The following IL3RA variants were observed in gnomAD, a reference collection of about 807,000 sequenced individuals.
IL3RA encodes the protein interleukin-3 receptor subunit alpha.
Under a neutral mutation model 52.3 loss-of-function variants are expected in IL3RA, and 73 were observed. The ratio of observed to expected loss-of-function variants is 1.40; its 90% CI spans 1.16 to 1.70. The LOEUF is 1.70. Ranked by LOEUF, IL3RA falls within the 40% of genes most tolerant of loss-of-function variation. IL3RA has a pLI of 0.00. For missense variants in IL3RA, 664 were observed against 504.4 expected (o/e 1.32, Z -3.03); for synonymous variants, 260 against 194.0 (o/e 1.34, Z -2.83).
rs2088974377 is a variant in IL3RA, at chrX:1,378,720, G to C, written c.936G>C (p.Leu312=). ...GGCGGACGTCGCTGCTGATCGCGCTGGGGACGCTGCTGGCCCTGGTCTGTG... is the reference window on the plus strand; with the variant it reads ...GGCGGACGTCGCTGCTGATCGCGCTCGGGACGCTGCTGGCCCTGGTCTGTG... ...RAWRTSLLIA[L]GTLLALVCVF... Residue 312 remains leucine (L), a synonymous_variant, in exon 10 of 12, where the codon CTG becomes CTC. Transcript: ENST00000331035. The C allele has an allele frequency of 2.5e-6, 4 of 1,612,494 alleles. No homozygotes were observed. Among genetic ancestry groups the C allele is most frequent in the Non-Finnish European group, 3.4e-6 (4 of 1,179,854 alleles).
intron 4 of IL3RA, among the ~76,000 whole-genome samples, chrX:1,348,885 T>TTCTTTTC (rs1556619317): frequency 7.1e-6 from 1 of 140,866 alleles, no homozygotes; most frequent in African/African-American, 2.6e-5. Flanking sequence ...TTCCCTTTCG[T>TTCTTTTC]TTTCTTTTCC....
At chrX:1,351,421 T>C (rs755413366) in intron 4 of IL3RA, among the ~76,000 whole-genome samples, 10 of 151,938 alleles carry the variant, frequency 6.6e-5, no homozygotes, top group African/African-American at 2.4e-4. Flanking sequence ...CTCTGCCTCC[T>C]GGGTTCAAGA....
intron 1 of IL3RA, among the ~76,000 whole-genome samples, chrX:1,337,895 G>T (rs6647015): frequency 9.6e-4 from 136 of 141,482 alleles, no homozygotes; most frequent in East Asian, 2.1e-3. Context: ...GATGAATGGA[G>T]AAATATAATG....
chrX:1,338,547 T>C (rs1227390538), intron 1 of IL3RA, among the ~76,000 whole-genome samples: 4 of 152,248 alleles, frequency 2.6e-5, no homozygotes, highest in African/African-American at 9.6e-5. Flanking sequence ...TACACAGCCA[T>C]GAAAAGGAAC....
rs17883648 is a variant in IL3RA, at chrX:1,359,202, C to T, written c.759+315C>T. ...TATGGCTGGCCAGGTGCTGTCCAAA[C>T]GAGGTCCACCCATTTGCCCCAGATT... On this transcript the variant is annotated intron_variant, in intron 8 of 11. Transcript: ENST00000331035. 7.9e-3 allele frequency among the ~76,000 whole-genome samples: 1,197 copies of T among 151,992 alleles called. 19 individuals are homozygous for T. Among genetic ancestry groups the T allele is most frequent in the African/African-American group, 0.028 (1,150 of 41,436 alleles).
At chrX:1,359,765 C>G (rs1176854586) in intron 8 of IL3RA, among the ~76,000 whole-genome samples, 1 of 121,622 alleles carries the variant, frequency 8.2e-6, no homozygotes, top group African/African-American at 3.2e-5. Context: ...TCTGTCTCTC[C>G]CTCTCTCATT....
rs1192051477 is a variant in IL3RA at position 1,352,236 on chromosome X, G to C, written c.431+4G>C. The C allele has an allele frequency of 1.9e-6, 3 of 1,613,498 alleles. No homozygotes were observed. Among genetic ancestry groups the C allele is most frequent in the Non-Finnish European group, 1.7e-6 (2 of 1,179,724 alleles). On this transcript the variant is annotated splice_donor_region_variant and intron_variant, in intron 5 of 11. Transcript: ENST00000331035. Reference sequence around the variant, plus strand: ...ACCTGTACTTGAACGTTGCCAAGTAGGTGTGCCCGTGGGCAGAGGCCGGGC... The same window carrying C: ...ACCTGTACTTGAACGTTGCCAAGTACGTGTGCCCGTGGGCAGAGGCCGGGC...
chrX:1,359,808 T>TTCTC (rs373695054), intron 8 of IL3RA, among the ~76,000 whole-genome samples: 23 of 130,624 alleles, frequency 1.8e-4, no homozygotes, highest in African/African-American at 5.2e-4. Flanking sequence ...CTCCCTCTCT[T>TTCTC]TCTCTCTCTC....
intron 9 of IL3RA, among the ~76,000 whole-genome samples, chrX:1,367,602 G>A (rs1179667781): frequency 1.1e-5 from 1 of 95,020 alleles, no homozygotes; most frequent in Non-Finnish European, 2.0e-5. Flanking sequence ...CCGGGTGCGC[G>A]GGGTGAGCGG....
At position 1,358,595 on chromosome X, in the gene IL3RA, G is replaced by A. The variant is rs748939205; in HGVS notation, c.733-266G>A. Reference sequence around the variant, plus strand: ...AATCACTTGAATCCGGGAGGCGGAGGTTGCAGTGAGCCGAGATCACGCCAC... The same window carrying A: ...AATCACTTGAATCCGGGAGGCGGAGATTGCAGTGAGCCGAGATCACGCCAC... On this transcript the variant is annotated intron_variant, in intron 7 of 11. Coordinates refer to ENST00000331035, the MANE Select transcript of IL3RA (RefSeq NM_002183.4). Among the ~76,000 whole-genome samples the A allele has an allele frequency of 7.2e-5, 11 of 152,254 alleles. No homozygotes were observed. The South Asian group carries it at 1.2e-3, about 17-fold the overall frequency.
chrX:1,353,515 A>ATCATGAGG (rs1222281573), intron 6 of IL3RA, among the ~76,000 whole-genome samples: 1 of 145,262 alleles, frequency 6.9e-6, no homozygotes, highest in African/African-American at 2.6e-5. Flanking sequence ...CATGGGTTCC[A>ATCATGAGG]CATGGGATCC....
rs557264428 is a variant in IL3RA at position 1,382,414 on chromosome X, C to T, written c.1086C>T (p.Ala362=). The change falls in exon 12 of 12, where the codon GCC becomes GCT. Residue 362 remains alanine (A), a synonymous_variant. Transcript: ENST00000331035. ...AGGTGGTCTGGGAGGCGGGCAAAGCCGGCCTGGAGGAGTGTCTGGTGACTG... is the reference window on the plus strand; with the variant it reads ...AGGTGGTCTGGGAGGCGGGCAAAGCTGGCCTGGAGGAGTGTCTGGTGACTG... ...DKLVVWEAGK[A]GLEECLVTEV... is the part of the protein sequence containing the mutation. 6.3e-5 allele frequency: 101 copies of T among 1,613,804 alleles called. No individual in the cohort carries two copies. The highest frequency in any genetic ancestry group is 1.7e-4 in the Middle Eastern group (1 of 6,044).
At chrX:1,349,033 G>A (rs1405820605) in intron 4 of IL3RA, among the ~76,000 whole-genome samples, 12 of 137,304 alleles carry the variant, frequency 8.7e-5, no homozygotes, top group East Asian at 2.4e-4. Context: ...TTCCTGACAC[G>A]GTCTTGCTCT....
In IL3RA at chrX:1,356,224, T is replaced by C. The variant is rs1334253484; in HGVS notation, c.620T>C (p.Ile207Thr). ...AAAGTGTTTTTCTCGTTGCTAGAGATATTAACTCCACCCAACATGACTGCA... is the reference window on the plus strand; with the variant it reads ...AAAGTGTTTTTCTCGTTGCTAGAGACATTAACTCCACCCAACATGACTGCA... ...DKFVVFSQIE[I>T]LTPPNMTAKC... Residue 207 changes from isoleucine (I) to threonine (T), a missense_variant, in exon 7 of 12, where the codon ATA becomes ACA. Ile to Thr is a moderately conservative substitution (Grantham distance 89). Coordinates refer to ENST00000331035, the MANE Select transcript of IL3RA (RefSeq NM_002183.4). 1 of 1,589,730 alleles carries C rather than the reference T, an allele frequency of 6.3e-7. No homozygotes were observed.
At chrX:1,352,636 C>A in intron 6 of IL3RA, 130 bp downstream of exon 6, 1 of 1,003,194 alleles carries the variant, frequency 1.0e-6, no homozygotes, top group Non-Finnish European at 1.5e-6. Context: ...AGAGGCTGGA[C>A]GTTGGAGGTC....
intron 7 of IL3RA, among the ~76,000 whole-genome samples, chrX:1,357,238 G>C (rs28481624): frequency 0.027 from 4,144 of 152,174 alleles, 184 homozygotes; most frequent in African/African-American, 0.095. Flanking sequence ...ACAGGTGTGA[G>C]CCTTCGTGCG....
intron 1 of IL3RA, among the ~76,000 whole-genome samples, chrX:1,337,882 A>G (rs2085365647): frequency 6.6e-6 from 1 of 150,500 alleles, no homozygotes; most frequent in Admixed American, 6.6e-5. Flanking sequence ...ATACCCATCT[A>G]TAGATGAATG....
At position 1,364,723 on chromosome X, in the gene IL3RA, C is replaced by T. The variant is rs1391653767; in HGVS notation, c.760-415C>T. Among the ~76,000 whole-genome samples the T allele has an allele frequency of 9.2e-5, 14 of 151,982 alleles. No homozygotes were observed. The East Asian group carries it at 2.7e-3, about 29-fold the overall frequency. The stretch of plus-strand genomic sequence containing the variant: ...AAACTCCTGGGCTTAAGGAATTCTC[C>T]CACCTCAGCCTCCAAAAGTGCTGTG... On this transcript the variant is annotated intron_variant, in intron 8 of 11. Transcript: ENST00000331035.
chrX:1,376,638 A>G (rs2088750287), intron 9 of IL3RA, among the ~76,000 whole-genome samples: 1 of 149,348 alleles, frequency 6.7e-6, no homozygotes, highest in South Asian at 2.1e-4. Context: ...CTGTGAGGAC[A>G]CAGGGAGAAG....
Sources: allele counts gnomAD v4.1 joint callset (sites outside exome capture counted in the v4.1 genomes callset), GRCh38; gene constraint gnomAD v4.1.1; transcripts MANE v1.5; gene names NCBI Gene and HGNC (gene_info 2026-07-23, HGNC 2026-07-21).